The following KIAA1671 variants were observed in gnomAD, a reference collection of about 807,000 sequenced individuals.
The protein encoded by KIAA1671 is uncharacterized protein KIAA1671.
Under a neutral mutation model 131.2 loss-of-function variants are expected in KIAA1671, and 52 were observed. That is an observed-to-expected ratio of 0.40 (90% CI 0.32 to 0.50). KIAA1671 has a LOEUF of 0.50. KIAA1671 is among the 20% of genes least tolerant of loss of function. The probability of loss-of-function intolerance (pLI) is 0.73; values close to 1 mark genes in which losing one functional copy is unlikely to be tolerated. For missense variants in KIAA1671, 2,360 were observed against 2,364.2 expected (o/e 1.00, Z 0.04); for synonymous variants, 1,003 against 961.6 (o/e 1.04, Z -0.80).
chr22:25,191,522 G>GA (rs887183765), intron 12 of KIAA1671, among the ~76,000 whole-genome samples: 12 of 152,120 alleles, frequency 7.9e-5, no homozygotes, highest in Admixed American at 5.2e-4. Context: ...AAATGAATTT[G>GA]AAAAAATATA....
At chr22:24,985,265 A>C (rs1393450015) in intron 1 of KIAA1671, among the ~76,000 whole-genome samples, 2 of 152,102 alleles carry the variant, frequency 1.3e-5, no homozygotes, top group Non-Finnish European at 2.9e-5. Context: ...ATATCCTCCT[A>C]AGAGATGGGC....
chr22:25,007,586 A>C (rs2123871286), intron 1 of KIAA1671, among the ~76,000 whole-genome samples: 1 of 152,114 alleles, frequency 6.6e-6, no homozygotes, highest in African/African-American at 2.4e-5. Context: ...ACTGAAGACT[A>C]GCTGAAACAG....
Position 25,181,764 on chromosome 22 carries a change from CCT to C in KIAA1671, c.5141_5142del (p.Pro1714ArgfsTer66). On this transcript the variant is annotated frameshift_variant, in exon 10 of 13. Transcript: ENST00000358431. LOFTEE classifies it high-confidence loss of function. ...GACGGCATCCAAAGCTGAGAGGACC[CCT>C]GTCAGCCATCCTCAGAGGATGCCTG... ...EETASKAERT[P>X]VSHPQRMPAF... 1 of 1,551,604 alleles carries C rather than the reference CCT, an allele frequency of 6.4e-7. No individual in the cohort carries two copies. Among genetic ancestry groups the C allele is most frequent in the Non-Finnish European group, 8.7e-7 (1 of 1,146,950 alleles).
At chr22:25,138,389 G>C (rs1932755174) in intron 6 of KIAA1671, among the ~76,000 whole-genome samples, 1 of 152,210 alleles carries the variant, frequency 6.6e-6, no homozygotes, top group African/African-American at 2.4e-5. Context: ...AGACCAAGAG[G>C]GGTATATAAT....
At chr22:25,080,924 T>C (rs1929369876) in intron 6 of KIAA1671, among the ~76,000 whole-genome samples, 1 of 152,158 alleles carries the variant, frequency 6.6e-6, no homozygotes, top group Non-Finnish European at 1.5e-5. Context: ...GTTGGGAGCT[T>C]TGTCCTGAGA....
At chr22:25,056,256 C>T (rs1485237568) in intron 6 of KIAA1671, 2 of 149,160 alleles carry the variant, frequency 1.3e-5, no homozygotes, top group East Asian at 3.9e-4. Context: ...TCTTTTCATT[C>T]TCTTGATAAT....
chr22:25,115,858 C>T (rs1931626497), intron 6 of KIAA1671, among the ~76,000 whole-genome samples: 1 of 152,160 alleles, frequency 6.6e-6, no homozygotes, highest in African/African-American at 2.4e-5. Context: ...CTCACTGCAA[C>T]CTCCACCTCC....
At chr22:25,002,514 T>C (rs563277249) in intron 1 of KIAA1671, among the ~76,000 whole-genome samples, 1 of 152,302 alleles carries the variant, frequency 6.6e-6, no homozygotes, top group East Asian at 1.9e-4. Flanking sequence ...GGGGCATTAA[T>C]GGGCTGCATT....
intron 1 of KIAA1671, among the ~76,000 whole-genome samples, chr22:24,967,315 G>C (rs1029221917): frequency 6.6e-6 from 1 of 152,096 alleles, no homozygotes; most frequent in Non-Finnish European, 1.5e-5. Flanking sequence ...TTGAGGAAAC[G>C]GAGGCTCAGA....
In KIAA1671 at chr22:25,173,822, CT is replaced by C. The variant is rs1227918013; in HGVS notation, c.4650-411del. Among the ~76,000 whole-genome samples the C allele has an allele frequency of 9.9e-5, 15 of 152,266 alleles. No individual in the cohort carries two copies. The South Asian group carries it at 2.9e-3, about 30-fold the overall frequency. Reference sequence around the variant, plus strand: ...AGTTATTAGCGAGGCAGTTTACATTCTTTTTTTCTATTCAAAGTATTGGAAA... The same window carrying C: ...AGTTATTAGCGAGGCAGTTTACATTCTTTTTTCTATTCAAAGTATTGGAAA... On this transcript the variant is annotated intron_variant, in intron 7 of 12. Transcript: ENST00000358431.
rs1926102852 is a variant in KIAA1671, at chr22:25,028,710, C to T, written c.711C>T (p.Arg237=). ...GCCCCCTTGTGGAGCCCAGGCCTCG[C>T]CTGAAGAGAAGGCCCGTGTCTGCCA... is the stretch of plus-strand genomic sequence containing the variant. The part of the protein sequence containing the change: ...TARPLVEPRP[R]LKRRPVSAIF... The change falls in exon 3 of 13, where the codon CGC becomes CGT. Residue 237 remains arginine, a synonymous_variant. Coordinates refer to ENST00000358431, the MANE Select transcript of KIAA1671 (RefSeq NM_001145206.2). The T allele has an allele frequency of 1.3e-6, 2 of 1,551,228 alleles. No homozygotes were observed. The highest frequency in any genetic ancestry group is 1.7e-6 in the Non-Finnish European group (2 of 1,147,004).
intron 5 of KIAA1671, among the ~76,000 whole-genome samples, chr22:25,045,232 G>A (rs11913922): frequency 0.09 from 13,695 of 152,148 alleles, 2,036 homozygotes; most frequent in African/African-American, 0.31. Context: ...AATATTGAGC[G>A]TGGTGCATAA....
intron 6 of KIAA1671, among the ~76,000 whole-genome samples, chr22:25,166,968 C>T (rs957625095): frequency 6.6e-6 from 1 of 152,202 alleles, no homozygotes; most frequent in Non-Finnish European, 1.5e-5. Context: ...CAGAAACAAC[C>T]CCTAAGTCCC....
chr22:25,144,009 A>T (rs994867109), intron 6 of KIAA1671, among the ~76,000 whole-genome samples: 18 of 150,090 alleles, frequency 1.2e-4, no homozygotes. Context: ...CATCTGTATA[A>T]AAAAAAAAAT....
chr22:25,105,104 A>G (rs1266455958), intron 6 of KIAA1671, among the ~76,000 whole-genome samples: 1 of 151,846 alleles, frequency 6.6e-6, no homozygotes, highest in Non-Finnish European at 1.5e-5. Context: ...GCTCATTGCA[A>G]CATACCTCCC....
chr22:24,975,445 A>G (rs1264087221), intron 1 of KIAA1671, among the ~76,000 whole-genome samples: 2 of 151,774 alleles, frequency 1.3e-5, no homozygotes, highest in Non-Finnish European at 2.9e-5. Flanking sequence ...CAGCCTCCTA[A>G]GTAGCTGGGG....
intron 6 of KIAA1671, among the ~76,000 whole-genome samples, chr22:25,153,739 C>T (rs2145981498): frequency 6.6e-6 from 1 of 152,350 alleles, no homozygotes. Flanking sequence ...TGTTGCCCTA[C>T]ATTGAGAAAT....
intron 6 of KIAA1671, among the ~76,000 whole-genome samples, chr22:25,161,080 C>T (rs1601369640): frequency 2.6e-5 from 4 of 152,048 alleles, no homozygotes; most frequent in African/African-American, 9.7e-5. Flanking sequence ...CCTCACCTCT[C>T]CCTTCTTCTC....
At position 24,989,103 on chromosome 22, in the gene KIAA1671, G is replaced by A. The variant is rs78996737; in HGVS notation, c.-208+36331G>A. ...CTTTTTTCAAGGTCCCTTTGGTTCT[G>A]GTTTCCCCTGGTTTCATGTCGAGGG... On this transcript the variant is annotated intron_variant, in intron 1 of 12. Coordinates refer to ENST00000358431, the MANE Select transcript of KIAA1671 (RefSeq NM_001145206.2). 8.8e-3 allele frequency among the ~76,000 whole-genome samples: 1,339 copies of A among 152,222 alleles called. 29 individuals carry two copies. The highest frequency in any genetic ancestry group is 0.03 in the African/African-American group (1,251 of 41,536).
Sources: allele counts gnomAD v4.1 joint callset (sites outside exome capture counted in the v4.1 genomes callset), GRCh38; gene constraint gnomAD v4.1.1; transcripts MANE v1.5; gene names NCBI Gene and HGNC (gene_info 2026-07-23, HGNC 2026-07-21).